PRIM2: variants seen among roughly 807,000 people sequenced by gnomAD.
The protein encoded by PRIM2 is DNA primase subunit 2, also known as DNA primase large subunit.
Under a neutral mutation model 67.3 loss-of-function variants are expected in PRIM2, and 39 were observed. The observed-to-expected ratio is 0.58, with a 90% confidence interval of 0.45 to 0.76. The LOEUF (loss-of-function observed/expected upper bound fraction) is 0.76. PRIM2 is among the 30% of genes least tolerant of loss of function. The pLI, the probability that PRIM2 is intolerant of heterozygous loss-of-function variation, is 0.00. For missense variants in PRIM2, 398 were observed against 598.7 expected (o/e 0.66, Z 3.50); for synonymous variants, 143 against 198.7 (o/e 0.72, Z 2.36).
At chr6:57,438,777 CT>C (rs1021545964) in intron 7 of PRIM2, among the ~76,000 whole-genome samples, 3 of 147,700 alleles carry the variant, frequency 2.0e-5, no homozygotes, top group African/African-American at 2.5e-5. Context: ...TTTTTTTTTT[CT>C]TTTTTTTTGG....
Position 57,646,026 on chromosome 6 carries a change from C to A in PRIM2, c.1398C>A (p.Ile466=). 6 of 1,603,200 alleles carry A rather than the reference C, an allele frequency of 3.7e-6. No individual in the cohort carries two copies. Among genetic ancestry groups the A allele is most frequent in the Non-Finnish European group, 5.1e-6 (6 of 1,170,172 alleles). ...GTAAAGACATAAAGAAGGAACCTAT[C>A]CAACCAGAAACTCCTCAACCCAAAC... ...NGGKDIKKEP[I]QPETPQPKPS... Residue 466 remains isoleucine, a synonymous_variant, in exon 14 of 14, where the codon ATC becomes ATA. Transcript: ENST00000615550.
intron 7 of PRIM2, among the ~76,000 whole-genome samples, chr6:57,397,123 A>T (rs1770542084): frequency 6.6e-6 from 1 of 152,054 alleles, no homozygotes; most frequent in South Asian, 2.1e-4. Flanking sequence ...CTAACTTTGG[A>T]TAACCTGATG....
At chr6:57,561,191 C>G (rs1473502156) in intron 10 of PRIM2, among the ~76,000 whole-genome samples, 1 of 152,122 alleles carries the variant, frequency 6.6e-6, no homozygotes, top group Non-Finnish European at 1.5e-5. Flanking sequence ...TAGCTTCTTT[C>G]CTTAAATCTC....
intron 7 of PRIM2, among the ~76,000 whole-genome samples, chr6:57,434,546 A>C (rs1771948626): frequency 6.6e-6 from 1 of 152,188 alleles, no homozygotes; most frequent in African/African-American, 2.4e-5. Context: ...CAATCAAGGA[A>C]GTTACGTTTC....
the PRIM2 span, among the ~76,000 whole-genome samples, chr6:57,256,010 C>CGT: frequency 7.1e-6 from 1 of 141,022 alleles, no homozygotes; most frequent in African/African-American, 3.2e-5. Context: ...TTTAGACACG[C>CGT]ACACACACAC....
At chr6:57,278,710 G>A in the PRIM2 span, among the ~76,000 whole-genome samples, 72 of 151,856 alleles carry the variant, frequency 4.7e-4, 1 homozygote, top group East Asian at 9.3e-3. Context: ...GAGTACAGTA[G>A]AGAAAAAAGG....
chr6:57,536,965 A>G (rs1207484585), intron 9 of PRIM2, among the ~76,000 whole-genome samples: 1 of 152,184 alleles, frequency 6.6e-6, no homozygotes, highest in African/African-American at 2.4e-5. Flanking sequence ...ATAAAATTTA[A>G]TACGGAAGTA....
chr6:57,367,744 G>T (rs976194533), intron 5 of PRIM2, among the ~76,000 whole-genome samples: 1 of 152,154 alleles, frequency 6.6e-6, no homozygotes, highest in Non-Finnish European at 1.5e-5. Flanking sequence ...TCTGCTGGAC[G>T]CCTTTCCATG....
intron 12 of PRIM2, among the ~76,000 whole-genome samples, chr6:57,626,624 C>CTT (rs1159199798): frequency 5.2e-5 from 7 of 134,006 alleles, no homozygotes; most frequent in Middle Eastern, 3.9e-3. Context: ...AACTGCATTG[C>CTT]TTTTTTTTTT....
chr6:57,389,185 G>A (rs1374008713), intron 7 of PRIM2, among the ~76,000 whole-genome samples: 6 of 152,074 alleles, frequency 3.9e-5, no homozygotes, highest in Admixed American at 6.5e-5. Context: ...ACTCACCATG[G>A]CCTTGACCTC....
chr6:57,411,112 GT>G (rs1771075027), intron 7 of PRIM2, among the ~76,000 whole-genome samples: 1 of 151,776 alleles, frequency 6.6e-6, no homozygotes, highest in African/African-American at 2.4e-5. Context: ...TCATTTAAAA[GT>G]GTGTGGCACC....
At chr6:57,437,879 G>A (rs5012210) in intron 7 of PRIM2, among the ~76,000 whole-genome samples, 1 of 151,984 alleles carries the variant, frequency 6.6e-6, no homozygotes, top group Admixed American at 6.6e-5. Context: ...TGCCCAGGCT[G>A]GTTTTGAACT....
chr6:57,521,525 C>T (rs1774623857), intron 8 of PRIM2, among the ~76,000 whole-genome samples: 1 of 151,850 alleles, frequency 6.6e-6, no homozygotes, highest in African/African-American at 2.4e-5. Context: ...TGTGAAAAGG[C>T]TGTATTGGAA....
In PRIM2 at chr6:57,642,435, C is replaced by CTTTT. The variant is rs1156576933; in HGVS notation, c.1300-3471_1300-3468dup. On this transcript the variant is annotated intron_variant, in intron 13 of 13. Transcript: ENST00000615550. ...TATGCACATACCTTAAATATTATAT[C>CTTTT]TTTTTTTTTTTTTTTTTTTTTTTTT... Among the ~76,000 whole-genome samples, 158 of 83,172 alleles carry CTTTT rather than the reference C, an allele frequency of 1.9e-3. 7 individuals carry two copies. Among genetic ancestry groups the CTTTT allele is most frequent in the East Asian group, 5.6e-3 (14 of 2,498 alleles). The allele number at this position is 83,172 out of a possible 152,430, so 54.6% of individuals were successfully genotyped here. A position where few individuals can be genotyped will look rare whatever the true frequency, so the allele number is the denominator to read the frequency against.
chr6:57,388,134 G>A (rs1770211700), intron 7 of PRIM2, among the ~76,000 whole-genome samples: 2 of 152,050 alleles, frequency 1.3e-5, no homozygotes, highest in South Asian at 2.1e-4. Context: ...AGACTTTGAG[G>A]TAGAGTCCCA....
intron 7 of PRIM2, among the ~76,000 whole-genome samples, chr6:57,489,136 T>A (rs2127408899): frequency 6.6e-6 from 1 of 152,364 alleles, no homozygotes; most frequent in East Asian, 1.9e-4. Flanking sequence ...AACTGAAACA[T>A]CTCATGCTTA....
chr6:57,300,857 T>C, the PRIM2 span, among the ~76,000 whole-genome samples: 1 of 152,090 alleles, frequency 6.6e-6, no homozygotes, highest in Non-Finnish European at 1.5e-5. Flanking sequence ...GTTTCCCTCT[T>C]ACCAAAAAGG....
upstream of PRIM2, among the ~76,000 whole-genome samples, chr6:57,315,830 A>G (rs757410386): frequency 6.6e-6 from 1 of 152,018 alleles, no homozygotes; most frequent in African/African-American, 2.4e-5. Flanking sequence ...TTTGTAATTT[A>G]TAATATTTAA....
chr6:57,409,637 A>T (rs1297941597), intron 7 of PRIM2, among the ~76,000 whole-genome samples: 1 of 152,138 alleles, frequency 6.6e-6, no homozygotes, highest in Non-Finnish European at 1.5e-5. Flanking sequence ...AAAAGTTGAT[A>T]TTGTCAGTTT....
Sources: gnomAD v4.1 joint callset for allele counts (sites outside exome capture counted in the v4.1 genomes callset) on GRCh38, gnomAD v4.1.1 for gene constraint, MANE v1.5 for transcripts, NCBI Gene and HGNC (gene_info 2026-07-23, HGNC 2026-07-21) for gene names.